The following TOP3A variants were observed in gnomAD, a reference collection of about 807,000 sequenced individuals.
TOP3A encodes the protein DNA topoisomerase 3-alpha.
Under a neutral mutation model 111.3 loss-of-function variants are expected in TOP3A, and 64 were observed. The observed-to-expected ratio is 0.57, with a 90% CI of 0.47 to 0.71. The LOEUF (loss-of-function observed/expected upper bound fraction) is 0.71. Ranked by LOEUF, TOP3A falls within the 30% of genes least tolerant of loss-of-function variation. TOP3A has a pLI of 0.00. For synonymous variants in TOP3A, 484 were observed against 485.1 expected, an observed-to-expected ratio of 1.00 and a Z score of 0.03; for missense variants, 1,104 against 1,285.0, an observed-to-expected ratio of 0.86 and a Z score of 2.15.
At chr17:18,297,614 G>A (rs1172995656) in intron 9 of TOP3A, among the ~76,000 whole-genome samples, 2 of 152,186 alleles carry the variant, frequency 1.3e-5, no homozygotes, top group Non-Finnish European at 2.9e-5. Flanking sequence ...TGGTGGAGAC[G>A]GGGTTTCGCT....
intron 9 of TOP3A, among the ~76,000 whole-genome samples, chr17:18,295,750 C>T (rs1270631559): frequency 1.3e-5 from 2 of 151,570 alleles, no homozygotes; most frequent in East Asian, 1.9e-4. Context: ...TGAGCCACCG[C>T]GTCTGGCCCA....
chr17:18,299,433 G>A, intron 9 of TOP3A, 126 bp downstream of exon 9: 2 of 839,266 alleles, frequency 2.4e-6, no homozygotes, highest in Non-Finnish European at 4.1e-6. Flanking sequence ...TTTCTCCAGT[G>A]TTTTCTTGTG....
At chr17:18,305,832 C>T (rs554640194) in intron 4 of TOP3A, among the ~76,000 whole-genome samples, 1 of 151,810 alleles carries the variant, frequency 6.6e-6, no homozygotes, top group Admixed American at 6.6e-5. Flanking sequence ...AGCAAGACTC[C>T]ATCTCAAAAC....
Position 18,314,866 on chromosome 17 carries a change from G to A in TOP3A, c.-88C>T. On this transcript the variant is annotated 5_prime_UTR_variant, in exon 1 of 19. Transcript: ENST00000321105. ...GAGGCTCAAATGGCGCCCACCGAAA[G>A]GGAACCAGAGCCTCGCTTCGGTCAC... is the stretch of plus-strand genomic sequence containing the variant. 2.2e-6 allele frequency: 2 copies of A among 911,298 alleles called. No individual in the cohort carries two copies. Among genetic ancestry groups the A allele is most frequent in the South Asian group, 2.0e-5 (1 of 50,238 alleles). 56.5% of individuals were successfully genotyped at this position (911,298 alleles called of 1,614,324 possible). A position where few individuals can be genotyped will look rare whatever the true frequency, so the allele number is the denominator to read the frequency against.
At position 18,277,861 on chromosome 17, in the gene TOP3A, G is replaced by C. The variant is rs1238561127; in HGVS notation, c.2641C>G (p.Leu881Val). 1.2e-6 allele frequency: 2 copies of C among 1,614,004 alleles called. No individual in the cohort carries two copies. The highest frequency in any genetic ancestry group is 1.1e-5 in the South Asian group (1 of 91,094). The change falls in exon 18 of 19, where the codon CTA becomes GTA. Residue 881 changes from leucine (L) to valine (V), a missense_variant. By Grantham distance (32) the Leu-to-Val change is conservative. Coordinates refer to ENST00000321105, the MANE Select transcript of TOP3A (RefSeq NM_004618.5). ...LGCPPGPGIH[L>V]GGFGNPGDGS... ...TCACCAGGGTTGCCAAACCCACCTA[G>C]GTGGATCCCTGGGCCTGGTGGGCAT...
At chr17:18,311,693 T>A (rs1161797754) in intron 1 of TOP3A, among the ~76,000 whole-genome samples, 1 of 152,264 alleles carries the variant, frequency 6.6e-6, no homozygotes, top group Non-Finnish European at 1.5e-5. Context: ...CTTTGGAGTT[T>A]AGAGTCCAAG....
chr17:18,280,720 T>C, intron 16 of TOP3A, 62 bp from the exon 17 acceptor site: 3 of 1,590,308 alleles, frequency 1.9e-6, no homozygotes, highest in Non-Finnish European at 2.6e-6. Flanking sequence ...CTGTTGGCCA[T>C]CAGCTAAGGC....
chr17:18,290,780 T>C (rs746698188), intron 12 of TOP3A, 62 bp downstream of exon 12: 164 of 1,594,798 alleles, frequency 1.0e-4, no homozygotes, highest in Non-Finnish European at 1.3e-4. Flanking sequence ...CCTGCTCCAC[T>C]AGAGAACTCA....
At chr17:18,283,945 C>G (rs1240118768) in intron 15 of TOP3A, among the ~76,000 whole-genome samples, 4 of 152,170 alleles carry the variant, frequency 2.6e-5, no homozygotes, top group Non-Finnish European at 4.4e-5. Context: ...AACACCCACC[C>G]TCCAGGAGTC....
chr17:18,308,334 T>C lies in TOP3A; in HGVS notation c.314+17A>G, dbSNP rs1981713074. The stretch of plus-strand genomic sequence containing the variant: ...TTACTATAATCTGAAAGTCCTTCCC[T>C]TGAGAATTGTACTGACCATTTTCGA... On this transcript the variant is annotated intron_variant, in intron 3 of 18. Coordinates refer to ENST00000321105, the MANE Select transcript of TOP3A (RefSeq NM_004618.5). 2 of 1,528,830 alleles carry C rather than the reference T, an allele frequency of 1.3e-6. No individual in the cohort carries two copies. Among genetic ancestry groups the C allele is most frequent in the East Asian group, 4.7e-5 (2 of 42,410 alleles). 94.7% of individuals were successfully genotyped at this position (1,528,830 alleles called of 1,614,324 possible).
At chr17:18,305,655 G>A (rs8068854) in intron 4 of TOP3A, among the ~76,000 whole-genome samples, 54,588 of 151,612 alleles carry the variant, frequency 0.36, 10,816 homozygotes, top group African/African-American at 0.52. Flanking sequence ...TGGTTAACAC[G>A]GTGAAACCCT....
chr17:18,277,231 T>G (rs7219191), intron 18 of TOP3A, among the ~76,000 whole-genome samples: 6,086 of 150,438 alleles, frequency 0.04, 347 homozygotes, highest in African/African-American at 0.13. Flanking sequence ...GCTTATGGTC[T>G]GCCAAGGGTC....
chr17:18,305,836 T>TCGAAA (rs1981546408), intron 4 of TOP3A, among the ~76,000 whole-genome samples: 1 of 151,652 alleles, frequency 6.6e-6, no homozygotes. Flanking sequence ...AGACTCCATC[T>TCGAAA]CAAAACAAAA....
Position 18,274,986 on chromosome 17 carries a change from G to A in TOP3A, c.2828-6C>T, listed in dbSNP as rs529791333. On this transcript the variant is annotated splice_polypyrimidine_tract_variant and splice_region_variant and intron_variant, in intron 18 of 18. Coordinates refer to ENST00000321105, the MANE Select transcript of TOP3A (RefSeq NM_004618.5). ...GGACGGGGCTCCAGAAGTCCCTGTC[G>A]GGAGAGTCAGGGGAGGGGTGAGGTT... is the stretch of plus-strand genomic sequence containing the variant. 1.7e-5 allele frequency: 28 copies of A among 1,612,716 alleles called. No individual in the cohort carries two copies. The highest frequency in any genetic ancestry group is 2.2e-5 in the East Asian group (1 of 44,866).
chr17:18,298,977 C>A (rs1981045915), intron 9 of TOP3A, among the ~76,000 whole-genome samples: 1 of 151,790 alleles, frequency 6.6e-6, no homozygotes, highest in Non-Finnish European at 1.5e-5. Context: ...TGTTTATCTG[C>A]TGACCTTCCC....
At chr17:18,285,359 C>G (rs1464542200) in intron 14 of TOP3A, 48 bp downstream of exon 14, 2 of 1,612,834 alleles carry the variant, frequency 1.2e-6, no homozygotes, top group Non-Finnish European at 1.7e-6. Context: ...CCCTCAGGGA[C>G]TTGGGCGACA....
intron 15 of TOP3A, among the ~76,000 whole-genome samples, chr17:18,283,439 A>G (rs1036843000): frequency 2.6e-5 from 4 of 152,100 alleles, no homozygotes; most frequent in African/African-American, 9.7e-5. Flanking sequence ...ATTAAGTCTA[A>G]ACTAGCTCAT....
In TOP3A at chr17:18,302,097, A is replaced by T. The variant is rs757181374; in HGVS notation, c.815-112T>A. 10 of 1,359,026 alleles carry T rather than the reference A, an allele frequency of 7.4e-6. No individual in the cohort carries two copies. The African/African-American group carries it at 1.2e-4, about 16-fold the overall frequency. The allele number at this position is 1,359,026 out of a possible 1,614,324, so 84.2% of individuals were successfully genotyped here. On this transcript the variant is annotated intron_variant, in intron 7 of 18. Coordinates refer to ENST00000321105, the MANE Select transcript of TOP3A (RefSeq NM_004618.5). ...GTCAAACGAATATCAAATAGGGAGG[A>T]GTTTCTGGATAACAAAGGGAACTTT...
At chr17:18,292,283 G>A (rs1281808175) in intron 11 of TOP3A, among the ~76,000 whole-genome samples, 1 of 152,200 alleles carries the variant, frequency 6.6e-6, no homozygotes, top group East Asian at 1.9e-4. Context: ...AAAGTTTCAG[G>A]AGGCAACCAA....
Sources: allele counts gnomAD v4.1 joint callset (sites outside exome capture counted in the v4.1 genomes callset), GRCh38; gene constraint gnomAD v4.1.1; transcripts MANE v1.5; gene names NCBI Gene and HGNC (gene_info 2026-07-23, HGNC 2026-07-21).